Variants in FNDC3A observed in about 807,000 individuals in gnomAD.
FNDC3A encodes fibronectin type-III domain-containing protein 3A.
FNDC3A carries 32 observed loss-of-function variants against 148.9 expected under a neutral mutation model. The ratio of observed to expected loss-of-function variants is 0.21; its 90% CI spans 0.16 to 0.29. The LOEUF is 0.29. Ranked by LOEUF, FNDC3A falls within the 10% of genes least tolerant of loss-of-function variation. The pLI, the probability that FNDC3A is intolerant of heterozygous loss-of-function variation, is 1.00. For synonymous variants in FNDC3A, 472 were observed against 473.6 expected, an observed-to-expected ratio of 1.00 and a Z score of 0.04; for missense variants, 1,191 against 1,452.8, an observed-to-expected ratio of 0.82 and a Z score of 2.93.
chr13:49,044,289 C>CTATT (rs1875183207), intron 2 of FNDC3A: 1 of 181,024 alleles, frequency 5.5e-6, no homozygotes, highest in Non-Finnish European at 1.2e-5. Flanking sequence ...CTGTCAGAGT[C>CTATT]TATTATTCCA....
At chr13:49,203,838 G>A (rs568909096) in intron 25 of FNDC3A, among the ~76,000 whole-genome samples, 1 of 152,234 alleles carries the variant, frequency 6.6e-6, no homozygotes, top group Non-Finnish European at 1.5e-5. Flanking sequence ...TGGATGGAGA[G>A]AGCAAAGGGA....
intron 2 of FNDC3A, among the ~76,000 whole-genome samples, chr13:49,069,317 C>T (rs892038638): frequency 6.6e-6 from 1 of 152,056 alleles, no homozygotes; most frequent in African/African-American, 2.4e-5. Flanking sequence ...GTGGCACTAC[C>T]CTGCTTAAAT....
intron 2 of FNDC3A, among the ~76,000 whole-genome samples, chr13:49,027,534 AG>A (rs1318982835): frequency 2.6e-5 from 4 of 152,326 alleles, no homozygotes; most frequent in Admixed American, 2.6e-4. Flanking sequence ...TTGGCTTATA[AG>A]GTATAAAAAT....
At chr13:49,006,824 A>C (rs1239691263) in intron 2 of FNDC3A, among the ~76,000 whole-genome samples, 1 of 152,032 alleles carries the variant, frequency 6.6e-6, no homozygotes, top group East Asian at 1.9e-4. Context: ...ATAAGCTTTC[A>C]CAAGTACTTA....
At chr13:49,087,191 T>G in intron 3 of FNDC3A, among the ~76,000 whole-genome samples, 1 of 152,160 alleles carries the variant, frequency 6.6e-6, no homozygotes, top group East Asian at 1.9e-4. Context: ...TAGTGAGTGC[T>G]ATTAAAATAA....
chr13:48,982,751 G>A (rs536894457), intron 1 of FNDC3A, among the ~76,000 whole-genome samples: 6 of 152,206 alleles, frequency 3.9e-5, no homozygotes, highest in African/African-American at 1.4e-4. Context: ...ACAACTTTGT[G>A]ATATAGTGTA....
At position 49,196,906 on chromosome 13, in the gene FNDC3A, T is replaced by C; in HGVS notation, c.2256T>C (p.Ile752=). ...GFGPFSEKCD[I]TTAPGPPDQC... is the part of the protein sequence containing the mutation. ...GACCATTTTCAGAAAAATGTGATAT[T>C]ACTACAGCCCCTGGGCCACCAGATC... The change falls in exon 20 of 26, where the codon ATT becomes ATC. Residue 752 remains isoleucine, a synonymous_variant. Coordinates refer to ENST00000492622, the MANE Select transcript of FNDC3A (RefSeq NM_001079673.2). 1 of 1,606,786 alleles carries C rather than the reference T, an allele frequency of 6.2e-7. No homozygotes were observed. Among genetic ancestry groups the C allele is most frequent in the Non-Finnish European group, 8.5e-7 (1 of 1,177,672 alleles).
intron 8 of FNDC3A, among the ~76,000 whole-genome samples, chr13:49,148,700 T>G (rs1883126761): frequency 6.6e-6 from 1 of 152,212 alleles, no homozygotes; most frequent in Admixed American, 6.5e-5. Flanking sequence ...ATTTTTTGGT[T>G]CCATAGACAT....
intron 2 of FNDC3A, among the ~76,000 whole-genome samples, chr13:49,067,839 T>C (rs1007969362): frequency 2.6e-5 from 4 of 152,200 alleles, no homozygotes; most frequent in Non-Finnish European, 4.4e-5. Context: ...TTAAGAACTC[T>C]TGTGCTTTAT....
Position 49,207,475 on chromosome 13 carries a change from A to C in FNDC3A, c.*80A>C. Reference sequence around the variant, plus strand: ...TTATTTCTGTATTGCTTTTATAAAAAACAGTGGCATTTAGCACTGGCATTG... The same window carrying C: ...TTATTTCTGTATTGCTTTTATAAAACACAGTGGCATTTAGCACTGGCATTG... On this transcript the variant is annotated 3_prime_UTR_variant, in exon 26 of 26. Coordinates refer to ENST00000492622, the MANE Select transcript of FNDC3A (RefSeq NM_001079673.2). 2 of 966,616 alleles carry C rather than the reference A, an allele frequency of 2.1e-6. No individual in the cohort carries two copies. The highest frequency in any genetic ancestry group is 2.6e-5 in the East Asian group (1 of 38,102). The allele number at this position is 966,616 out of a possible 1,614,324, so 59.9% of individuals were successfully genotyped here.
intron 8 of FNDC3A, among the ~76,000 whole-genome samples, chr13:49,164,866 G>A (rs924049705): frequency 9.9e-5 from 15 of 152,228 alleles, no homozygotes; most frequent in Middle Eastern, 3.4e-3. Context: ...TCGGCCTCCC[G>A]AAGTTTATCT....
chr13:49,162,573 A>T (rs960494999), intron 8 of FNDC3A, among the ~76,000 whole-genome samples: 3 of 152,082 alleles, frequency 2.0e-5, no homozygotes, highest in Admixed American at 1.3e-4. Context: ...TAGCTTGGAG[A>T]AGTTTGTTAC....
chr13:49,178,820 C>T (rs919205964), intron 14 of FNDC3A, among the ~76,000 whole-genome samples, 166 bp downstream of exon 14: 1 of 152,102 alleles, frequency 6.6e-6, no homozygotes, highest in Admixed American at 6.6e-5. Context: ...GCAGCCACAA[C>T]CTCCTGGGCT....
chr13:48,977,309 C>T (rs1228810317), intron 1 of FNDC3A, among the ~76,000 whole-genome samples: 2 of 152,062 alleles, frequency 1.3e-5, no homozygotes, highest in African/African-American at 2.4e-5. Flanking sequence ...GTGTATGCTT[C>T]TGTATTGTAG....
chr13:49,147,925 T>A (rs1414515382), intron 8 of FNDC3A, among the ~76,000 whole-genome samples: 1 of 152,214 alleles, frequency 6.6e-6, no homozygotes, highest in African/African-American at 2.4e-5. Flanking sequence ...GTAGCCATTC[T>A]AACTAGGGTA....
intron 1 of FNDC3A, among the ~76,000 whole-genome samples, chr13:48,997,900 TAAA>T (rs757898281): frequency 7.2e-6 from 1 of 139,180 alleles, no homozygotes; most frequent in Non-Finnish European, 1.6e-5. Flanking sequence ...GTGTGTGCAT[TAAA>T]AAAAAAAAAA....
At chr13:49,172,520 T>A (rs1461664090) in intron 11 of FNDC3A, among the ~76,000 whole-genome samples, 1 of 152,188 alleles carries the variant, frequency 6.6e-6, no homozygotes, top group Admixed American at 6.5e-5. Flanking sequence ...CCAGGGACTT[T>A]AGAGGAGAAT....
intron 13 of FNDC3A, among the ~76,000 whole-genome samples, chr13:49,178,292 T>C (rs1378865178): frequency 6.6e-6 from 1 of 152,234 alleles, no homozygotes; most frequent in Non-Finnish European, 1.5e-5. Context: ...TCCAACTCTA[T>C]AAACTCTTCC....
chr13:49,105,705 A>G (rs1418932040), intron 3 of FNDC3A, among the ~76,000 whole-genome samples: 1 of 152,222 alleles, frequency 6.6e-6, no homozygotes, highest in Non-Finnish European at 1.5e-5. Flanking sequence ...TAGTACTGCT[A>G]TGAATGTTCT....
Sources: gnomAD v4.1 joint callset for allele counts (sites outside exome capture counted in the v4.1 genomes callset) on GRCh38, gnomAD v4.1.1 for gene constraint, MANE v1.5 for transcripts, NCBI Gene and HGNC (gene_info 2026-07-23, HGNC 2026-07-21) for gene names.